The following NOTCH4 variants were observed in gnomAD, a reference collection of about 807,000 sequenced individuals.
The protein encoded by NOTCH4 is notch receptor 4, also known as neurogenic locus notch homolog protein 4.
Under a neutral mutation model 189.0 loss-of-function variants are expected in NOTCH4, and 138 were observed. The ratio of observed to expected loss-of-function variants is 0.73; its 90% CI spans 0.64 to 0.84. The LOEUF (loss-of-function observed/expected upper bound fraction) is 0.84, where lower values mean the gene tolerates loss of function less well. Among genes scored for constraint, NOTCH4 ranks in the 40% least tolerant of loss-of-function variants. NOTCH4 has a pLI of 0.00. For missense variants in NOTCH4, 2,286 were observed against 2,605.4 expected (o/e 0.88, Z 2.67); for synonymous variants, 942 against 1,032.8 (o/e 0.91, Z 1.69).
At position 32,210,632 on chromosome 6, in the gene NOTCH4, G is replaced by T; in HGVS notation, c.2865+120C>A. ...TGACTTTGTGGTTAGTTGGGTGTGT[G>T]GGGTTAAAAAAAATAAAAGGAGGTG... On this transcript the variant is annotated intron_variant, in intron 18 of 29. Coordinates refer to ENST00000375023, the MANE Select transcript of NOTCH4 (RefSeq NM_004557.4). The surrounding 1 kb of genome is among the most constrained non-coding windows in gnomAD (Gnocchi z 4.8). 1.1e-6 allele frequency: 1 copy of T among 951,502 alleles called. No homozygotes were observed. The highest frequency in any genetic ancestry group is 1.6e-6 in the Non-Finnish European group (1 of 615,736). The allele number at this position is 951,502 out of a possible 1,614,324, so 58.9% of individuals were successfully genotyped here.
Position 32,201,031 on chromosome 6 carries a change from C to T in NOTCH4, c.4140-25G>A. The stretch of plus-strand genomic sequence containing the variant: ...CCTGTAGAGGAGGCACCTCAGAGAC[C>T]TCTGTATTGGTCCCTGGCTCCCTTT... On this transcript the variant is annotated intron_variant, in intron 22 of 29. Transcript: ENST00000375023. This position sits in a 1 kb window ranked among gnomAD's most constrained non-coding sequence, Gnocchi z 5.5. 2 of 1,560,550 alleles carry T rather than the reference C, an allele frequency of 1.3e-6. No individual in the cohort carries two copies. Among genetic ancestry groups the T allele is most frequent in the Non-Finnish European group, 1.7e-6 (2 of 1,154,250 alleles).
Position 32,210,699 on chromosome 6 carries a change from C to T in NOTCH4, c.2865+53G>A. ...TCTTCCCTCAGTCACTACTGTCTCTCCCATCCAGCCCACCCTTGTCTTTCC... is the reference window on the plus strand; with the variant it reads ...TCTTCCCTCAGTCACTACTGTCTCTTCCATCCAGCCCACCCTTGTCTTTCC... On this transcript the variant is annotated intron_variant, in intron 18 of 29. Transcript: ENST00000375023. This position sits in a 1 kb window ranked among gnomAD's most constrained non-coding sequence, Gnocchi z 4.8. 1 of 1,564,124 alleles carries T rather than the reference C, an allele frequency of 6.4e-7. No homozygotes were observed. The highest frequency in any genetic ancestry group is 8.8e-7 in the Non-Finnish European group (1 of 1,138,050).
rs781724895 is a variant in NOTCH4, at chr6:32,223,035, A to G, written c.125T>C (p.Leu42Pro). The G allele has an allele frequency of 4.3e-6, 7 of 1,613,518 alleles. No individual in the cohort carries two copies. The Admixed American group carries it at 1.0e-4, about 23-fold the overall frequency. Residue 42 changes from leucine (L) to proline (P), a missense_variant, in exon 2 of 30, where the codon CTG becomes CCG. Physicochemically the swap from Leu to Pro is moderately conservative, Grantham distance 98 (BLOSUM62 -3). This residue lies in a region of NOTCH4 where 1,903 missense variants were observed against 2,261.9 expected (regional missense o/e 0.84). Coordinates refer to ENST00000375023, the MANE Select transcript of NOTCH4 (RefSeq NM_004557.4). ...PEPCANGGTC[L>P]SLSLGQGTCQ... ...GGTCCCTTGTCCCAGAGACAGGCTC[A>G]GGCAGGTGCCTCCATTGGCACAGGG...
At position 32,202,558 on chromosome 6, in the gene NOTCH4, G is replaced by T; in HGVS notation, c.3273C>A (p.Cys1091Ter). The change falls in exon 21 of 30, where the codon TGC becomes TGA. Residue 1091 changes from cysteine to a stop codon, truncating the protein, a stop_gained. Coordinates refer to ENST00000375023, the MANE Select transcript of NOTCH4 (RefSeq NM_004557.4). LOFTEE classifies it high-confidence loss of function. This position sits in a 1 kb window ranked among gnomAD's most constrained non-coding sequence, Gnocchi z 5.7. ...GPTCSHRAPS[C>*]GFHHCHHGGL... ...CTCCGTGGTGGCAGTGATGGAAGCCGCAGGAAGGGGCCCTGTGGCTGCAGG... is the reference window on the plus strand; with the variant it reads ...CTCCGTGGTGGCAGTGATGGAAGCCTCAGGAAGGGGCCCTGTGGCTGCAGG... 6.2e-7 allele frequency: 1 copy of T among 1,601,916 alleles called. No individual in the cohort carries two copies.
intron 15 of NOTCH4, 110 bp downstream of exon 15, chr6:32,213,025 C>A: frequency 8.0e-7 from 1 of 1,244,586 alleles, no homozygotes; most frequent in Non-Finnish European, 1.2e-6. Context: ...GGAGGGAAGG[C>A]GGAACGAGGT....
In NOTCH4 at chr6:32,215,401, G is replaced by T. The variant is rs1222048678; in HGVS notation, c.1862-16C>A. On this transcript the variant is annotated splice_polypyrimidine_tract_variant and intron_variant, in intron 11 of 29. Transcript: ENST00000375023. ...CAGAGCTGGCCTGGGGTGGGAAGAT[G>T]GGTCAAAAAGAAAACAGCTCCTCCA... 16 of 1,587,970 alleles carry T rather than the reference G, an allele frequency of 1.0e-5. No individual in the cohort carries two copies. Among genetic ancestry groups the T allele is most frequent in the Non-Finnish European group, 1.4e-5 (16 of 1,169,892 alleles).
At position 32,195,932 on chromosome 6, in the gene NOTCH4, G is replaced by A. The variant is rs777490535; in HGVS notation, c.5517C>T (p.Pro1839=). The A allele has an allele frequency of 1.3e-6, 2 of 1,588,492 alleles. No individual in the cohort carries two copies. Among genetic ancestry groups the A allele is most frequent in the East Asian group, 2.3e-5 (1 of 44,372 alleles). Residue 1839 remains proline (P), a synonymous_variant, in exon 30 of 30, where the codon CCC becomes CCT. Transcript: ENST00000375023. This position sits in a 1 kb window ranked among gnomAD's most constrained non-coding sequence, Gnocchi z 5.4. ...HKATPGREAG[P]FPRARTVSVS... ...CTGACACCGTCCGTGCGCGCGGGAA[G>A]GGCCCAGCCTCGCGGCCCGGCGTGG...
intron 19 of NOTCH4, 31 bp downstream of exon 19, chr6:32,204,106 C>T: frequency 6.2e-7 from 1 of 1,608,434 alleles, no homozygotes; most frequent in Non-Finnish European, 8.5e-7. Flanking sequence ...GTGCTCCAGA[C>T]ACACTTGTGC....
rs760029985 is a variant in NOTCH4, at chr6:32,196,004, C to G, written c.5445G>C (p.Leu1815=). 1.3e-6 allele frequency: 2 copies of G among 1,599,508 alleles called. No individual in the cohort carries two copies. The highest frequency in any genetic ancestry group is 1.1e-5 in the South Asian group (1 of 90,788). The change falls in exon 30 of 30, where the codon CTG becomes CTC. Residue 1815 remains leucine (L), a synonymous_variant. Transcript: ENST00000375023. Reference sequence around the variant, plus strand: ...GCCCAGCCCCTTCCAGCAGCGTCAGCAGATCCCAGTGGTTACGTTGGTGAG... The same window carrying G: ...GCCCAGCCCCTTCCAGCAGCGTCAGGAGATCCCAGTGGTTACGTTGGTGAG... ...DVAHQRNHWD[L]LTLLEGAGPP... is the part of the protein sequence containing the mutation.
intron 4 of NOTCH4, 34 bp downstream of exon 4, chr6:32,220,944 G>T: frequency 6.3e-7 from 1 of 1,594,484 alleles, no homozygotes; most frequent in Non-Finnish European, 8.6e-7. Flanking sequence ...TGCCCAGAGA[G>T]AGGGGCGGCC....
chr6:32,204,525 GC>G, intron 18 of NOTCH4, 136 bp from the exon 19 acceptor site: 2 of 952,800 alleles, frequency 2.1e-6, no homozygotes, highest in Non-Finnish European at 3.1e-6. Context: ...ATCCATCATG[GC>G]CATGTGTCAC....
In NOTCH4 at chr6:32,202,537, G is replaced by T; in HGVS notation, c.3294C>A (p.His1098Gln). The T allele has an allele frequency of 1.9e-6, 3 of 1,608,446 alleles. No homozygotes were observed. Among genetic ancestry groups the T allele is most frequent in the Non-Finnish European group, 2.6e-6 (3 of 1,176,292 alleles). The change falls in exon 21 of 30, where the codon CAC becomes CAA. Residue 1098 changes from histidine (H) to glutamine (Q), a missense_variant. By Grantham distance (24) the His-to-Gln change is conservative (BLOSUM62 0). Coordinates refer to ENST00000375023, the MANE Select transcript of NOTCH4 (RefSeq NM_004557.4). The surrounding 1 kb of genome is among the most constrained non-coding windows in gnomAD (Gnocchi z 5.7). ...TAGGGGAGGGCAGACACAGGCCTCC[G>T]TGGTGGCAGTGATGGAAGCCGCAGG... ...APSCGFHHCHHGGLCLPSPKP... is the reference protein window; with the variant it reads ...APSCGFHHCHQGGLCLPSPKP...
At chr6:32,205,405 G>A (rs186985726) in intron 18 of NOTCH4, among the ~76,000 whole-genome samples, 14 of 151,496 alleles carry the variant, frequency 9.2e-5, no homozygotes, top group African/African-American at 1.2e-4. Context: ...AAAATTAGCC[G>A]GGCATGGTGG....
rs528709987 is a variant in NOTCH4 at position 32,224,064 on chromosome 6, G to A, written c.-136C>T. 24 of 871,346 alleles carry A rather than the reference G, an allele frequency of 2.8e-5. 1 individual carries two copies. Among genetic ancestry groups the A allele is most frequent in the Admixed American group, 8.8e-5 (3 of 34,182 alleles). 54.0% of individuals were successfully genotyped at this position (871,346 alleles called of 1,614,324 possible). A position where few individuals can be genotyped will look rare whatever the true frequency, so the allele number is the denominator to read the frequency against. On this transcript the variant is annotated 5_prime_UTR_variant, in exon 1 of 30. It adds an upstream start codon to the 5' untranslated region. Transcript: ENST00000375023. ...CTCCTCGGCCTGCTGCAAGCCTCAC[G>A]TCTGAGCTGTTTCCTGAGTCACACA...
At position 32,203,512 on chromosome 6, in the gene NOTCH4, G is replaced by A. The variant is rs140610514; in HGVS notation, c.3231+258C>T. On this transcript the variant is annotated intron_variant, in intron 20 of 29. Coordinates refer to ENST00000375023, the MANE Select transcript of NOTCH4 (RefSeq NM_004557.4). ...TAACCTATCTGAGGCCACCCACCAC[G>A]CAGCTTGAGCTTGGGGAGCTCCTGA... 4.3e-3 allele frequency: 2,148 copies of A among 499,000 alleles called. 85 individuals are homozygous for A. The South Asian group carries it at 0.056, about 13-fold the overall frequency. The allele number at this position is 499,000 out of a possible 1,614,324, so 30.9% of individuals were successfully genotyped here.
At chr6:32,203,440 G>A in intron 20 of NOTCH4, 1 of 314,138 alleles carries the variant, frequency 3.2e-6, no homozygotes, top group Middle Eastern at 8.4e-4. Flanking sequence ...CTAATTCCAT[G>A]CATCTGAGGT....
At position 32,200,818 on chromosome 6, in the gene NOTCH4, AG is replaced by A; in HGVS notation, c.4315+12del. On this transcript the variant is annotated intron_variant, in intron 23 of 29. Transcript: ENST00000375023. The surrounding 1 kb of genome is among the most constrained non-coding windows in gnomAD (Gnocchi z 5.0). ...GGAACAGAGGTCAGAGAAAGTGGCAAGGGGTCACCTACCGGTCCCTGCATGA... is the reference window on the plus strand; with the variant it reads ...GGAACAGAGGTCAGAGAAAGTGGCAAGGGTCACCTACCGGTCCCTGCATGA... 6.3e-7 allele frequency: 1 copy of A among 1,586,310 alleles called. No homozygotes were observed. The highest frequency in any genetic ancestry group is 8.6e-7 in the Non-Finnish European group (1 of 1,167,102).
At chr6:32,219,479 G>C (rs1269287159) in intron 8 of NOTCH4, 113 bp downstream of exon 8, 12 of 955,380 alleles carry the variant, frequency 1.3e-5, no homozygotes, top group Non-Finnish European at 1.6e-5. Context: ...AGAAGCATCT[G>C]TGGTAACTTA....
At chr6:32,219,522 A>C (rs1789615831) in intron 8 of NOTCH4, 70 bp downstream of exon 8, 2 of 1,378,882 alleles carry the variant, frequency 1.5e-6, no homozygotes, top group Non-Finnish European at 1.0e-6. Context: ...CTTACTCTGG[A>C]GGGGGCATTC....
Sources: allele counts gnomAD v4.1 joint callset (sites outside exome capture counted in the v4.1 genomes callset), GRCh38; gene constraint gnomAD v4.1.1; regional missense constraint gnomAD v4.1.1; non-coding constraint Gnocchi (gnomAD v3.1); transcripts MANE v1.5; gene names NCBI Gene and HGNC (gene_info 2026-07-23, HGNC 2026-07-21).